Variants in TNRC6C observed in about 807,000 individuals in gnomAD.
TNRC6C encodes the protein trinucleotide repeat-containing gene 6C protein.
TNRC6C carries 20 observed loss-of-function variants against 153.7 expected under a neutral mutation model. The ratio of observed to expected loss-of-function variants is 0.13; its 90% confidence interval spans 0.09 to 0.19. The LOEUF is 0.19. Among genes scored for constraint, TNRC6C ranks in the 10% least tolerant of loss-of-function variants. The pLI is 1.00. For missense variants in TNRC6C, 1,987 were observed against 2,172.0 expected, an observed-to-expected ratio of 0.91 and a Z score of 1.69; for synonymous variants, 811 against 841.4, an observed-to-expected ratio of 0.96 and a Z score of 0.63.
intron 1 of TNRC6C, among the ~76,000 whole-genome samples, chr17:77,979,469 C>A (rs2071043915): frequency 6.6e-6 from 1 of 151,994 alleles, no homozygotes; most frequent in Non-Finnish European, 1.5e-5. Flanking sequence ...TAATAGTATT[C>A]TTAGCTGAAG....
intron 1 of TNRC6C, among the ~76,000 whole-genome samples, chr17:77,968,740 G>T (rs79737747): frequency 1.3e-5 from 2 of 152,098 alleles, no homozygotes; most frequent in Admixed American, 1.3e-4. Context: ...AAAATGGTTT[G>T]TTCTCTTTAA....
At chr17:77,993,853 C>T (rs1350745307) in intron 1 of TNRC6C, among the ~76,000 whole-genome samples, 1 of 151,754 alleles carries the variant, frequency 6.6e-6, no homozygotes, top group Non-Finnish European at 1.5e-5. Context: ...GGGGTTGTTT[C>T]CTGCAGCAAT....
At chr17:78,019,249 T>C (rs1399847385) in intron 1 of TNRC6C, among the ~76,000 whole-genome samples, 1 of 152,176 alleles carries the variant, frequency 6.6e-6, no homozygotes, top group South Asian at 2.1e-4. Context: ...GACTGGAGGC[T>C]AACGAGGCTG....
chr17:78,064,164 C>T (rs1006666599), intron 3 of TNRC6C, among the ~76,000 whole-genome samples: 12 of 152,154 alleles, frequency 7.9e-5, no homozygotes, highest in African/African-American at 2.7e-4. Context: ...CTTAGGACTT[C>T]GTAAAACTTA....
At chr17:77,970,430 G>T (rs1005909540) in intron 1 of TNRC6C, among the ~76,000 whole-genome samples, 6 of 152,110 alleles carry the variant, frequency 3.9e-5, no homozygotes, top group Non-Finnish European at 7.4e-5. Context: ...AATTGTTTTT[G>T]TAAAGACAGG....
chr17:78,000,609 T>G (rs1426238174), upstream of TNRC6C, among the ~76,000 whole-genome samples: 1 of 61,008 alleles, frequency 1.6e-5, no homozygotes, highest in East Asian at 5.4e-4. Flanking sequence ...TGTCTCTCTT[T>G]CTCCCTCCGC....
At chr17:78,045,554 T>TAC (rs1483023589) in intron 2 of TNRC6C, among the ~76,000 whole-genome samples, 1 of 152,222 alleles carries the variant, frequency 6.6e-6, no homozygotes, top group Non-Finnish European at 1.5e-5. Context: ...GTCTGGGCTG[T>TAC]ACAAGTGCAG....
chr17:78,108,302 CTTTTGGAAATTGAGA>C (rs544578124), exon 20 of TNRC6C: 1 of 154,604 alleles, frequency 6.5e-6, no homozygotes, highest in African/African-American at 2.4e-5. Context: ...TGACCATACT[CTTTTGGAAATTGAGA>C]AGGAAAGCAT....
Position 78,012,249 on chromosome 17 carries a change from ATTAAC to A in TNRC6C, c.-546+7175_-546+7179del, listed in dbSNP as rs367852411. Among the ~76,000 whole-genome samples, 1,321 of 152,372 alleles carry A rather than the reference ATTAAC, an allele frequency of 8.7e-3. 13 individuals are homozygous for A. Among genetic ancestry groups the A allele is most frequent in the South Asian group, 0.038 (183 of 4,826 alleles). The stretch of plus-strand genomic sequence containing the variant: ...CTAGAGATGGCTAGTTAATTCATTA[ATTAAC>A]TTAAACAGTTAATAAATACCTGTTA... On this transcript the variant is annotated intron_variant, in intron 1 of 19. Coordinates refer to ENST00000301624, the Ensembl canonical transcript of TNRC6C.
chr17:78,034,351 C>G (rs752754338), intron 2 of TNRC6C, among the ~76,000 whole-genome samples: 1 of 152,274 alleles, frequency 6.6e-6, no homozygotes, highest in Middle Eastern at 3.4e-3. Context: ...GCCACCACCC[C>G]CCAGCCTCCA....
At chr17:77,986,753 C>T (rs539710522) in intron 1 of TNRC6C, among the ~76,000 whole-genome samples, 6 of 152,198 alleles carry the variant, frequency 3.9e-5, no homozygotes, top group African/African-American at 9.6e-5. Flanking sequence ...TCTTCAGGCC[C>T]ATCTGTTATA....
In TNRC6C at chr17:78,049,853, G is replaced by C. The variant is rs775700122; in HGVS notation, c.791G>C (p.Gly264Ala). 1.9e-6 allele frequency: 3 copies of C among 1,613,840 alleles called. No individual in the cohort carries two copies. In the Admixed American group the frequency reaches 5.0e-5, roughly 27 times the overall value. ...CCTGCCACAGGAAATAGCAATTCTG[G>C]GTTCAGTCAGGGGAATGGAGACACT... Residue 264 changes from glycine to alanine, a missense_variant, in exon 3 of 20, where the codon GGG becomes GCG. Coordinates refer to ENST00000301624, the Ensembl canonical transcript of TNRC6C. The surrounding 1 kb of genome is among the most constrained non-coding windows in gnomAD (Gnocchi z 4.1).
chr17:78,079,258 CT>C lies in TNRC6C; in HGVS notation c.3211-136del. The C allele has an allele frequency of 7.6e-7, 1 of 1,314,972 alleles. No individual in the cohort carries two copies. Among genetic ancestry groups the C allele is most frequent in the Non-Finnish European group, 1.0e-6 (1 of 965,368 alleles). The allele number at this position is 1,314,972 out of a possible 1,614,324, so 81.5% of individuals were successfully genotyped here. A position where few individuals can be genotyped will look rare whatever the true frequency, so the allele number is the denominator to read the frequency against. The stretch of plus-strand genomic sequence containing the variant: ...AACAAGACTCTGTCTCAAAAAAATT[CT>C]CTTGGGTACAAGTTGACAGTGGTAG... On this transcript the variant is annotated intron_variant, in intron 9 of 19. Coordinates refer to ENST00000301624, the Ensembl canonical transcript of TNRC6C. The surrounding 1 kb of genome is among the most constrained non-coding windows in gnomAD (Gnocchi z 4.3).
At chr17:78,082,925 T>C in intron 10 of TNRC6C, 122 bp from the exon 13 acceptor site, 2 of 1,122,470 alleles carry the variant, frequency 1.8e-6, no homozygotes, top group Non-Finnish European at 2.5e-6. Flanking sequence ...TCCATAGCAG[T>C]AGTTTCAGGG....
At chr17:78,054,685 CAGACTACTGT>C (rs1367850037) in intron 3 of TNRC6C, among the ~76,000 whole-genome samples, 6 of 151,906 alleles carry the variant, frequency 3.9e-5, no homozygotes, top group Admixed American at 6.6e-5. Flanking sequence ...GAGACTACTG[CAGACTACTGT>C]AGACTACTAT....
At chr17:78,093,828 G>A in intron 16 of TNRC6C, 65 bp downstream of exon 18, 2 of 1,590,912 alleles carry the variant, frequency 1.3e-6, no homozygotes, top group Admixed American at 1.7e-5. Flanking sequence ...GAGATGTCAG[G>A]GGTGACAGGT....
intron 17 of TNRC6C, among the ~76,000 whole-genome samples, chr17:78,101,950 C>G (rs1019450377): frequency 6.9e-6 from 1 of 145,792 alleles, no homozygotes; most frequent in Non-Finnish European, 1.5e-5. Context: ...GTTTAATGGC[C>G]AGATTTTGGG....
intron 15 of TNRC6C, 55 bp downstream of exon 17, chr17:78,093,179 C>G (rs991576927): frequency 8.3e-6 from 13 of 1,564,304 alleles, no homozygotes; most frequent in Non-Finnish European, 1.1e-5. Context: ...GTGCTCCAAG[C>G]CTGCAGAGAG....
At chr17:78,000,361 T>A (rs139674445), upstream of TNRC6C, among the ~76,000 whole-genome samples, 283 of 152,354 alleles carry the variant, frequency 1.9e-3, no homozygotes, top group African/African-American at 6.4e-3. Context: ...ATCCTTCTCA[T>A]ACTGCCCACA....
Sources: gnomAD v4.1 joint callset for allele counts (sites outside exome capture counted in the v4.1 genomes callset) on GRCh38, gnomAD v4.1.1 for gene constraint, Gnocchi (gnomAD v3.1) non-coding constraint, MANE v1.5 for transcripts, NCBI Gene and HGNC (gene_info 2026-07-23, HGNC 2026-07-21) for gene names.